POLR3E: variants seen among roughly 807,000 people sequenced by gnomAD.
The protein encoded by POLR3E is DNA-directed RNA polymerase III subunit RPC5.
In POLR3E, 41 loss-of-function variants were observed where a neutral mutation model predicts 96.6. The ratio of observed to expected loss-of-function variants is 0.42; its 90% CI spans 0.33 to 0.55. POLR3E has a LOEUF of 0.55. POLR3E is among the 20% of genes least tolerant of loss of function. POLR3E has a pLI of 0.06. For missense variants in POLR3E, 849 were observed against 952.1 expected, an observed-to-expected ratio of 0.89 and a Z score of 1.43; for synonymous variants, 396 against 383.6, an observed-to-expected ratio of 1.03 and a Z score of -0.38.
At position 22,308,925 on chromosome 16, in the gene POLR3E, G is replaced by A. The variant is rs748308867; in HGVS notation, c.166G>A (p.Val56Ile). The change falls in exon 5 of 21, where the codon GTA (valine) becomes ATA (isoleucine). Residue 56 changes from valine (V) to isoleucine (I), a missense_variant and splice_region_variant. Physicochemically the swap from Val to Ile is conservative, Grantham distance 29. Coordinates refer to ENST00000299853, the MANE Select transcript of POLR3E (RefSeq NM_018119.4). ...SAKIKPKQQKVELEMAIDTLN... is the reference protein window; with the variant it reads ...SAKIKPKQQKIELEMAIDTLN... ...TGGTGGGGGTGCTTGGTGCCTCCAG[G>A]TAGAGCTTGAGATGGCCATCGACAC... 4.3e-6 allele frequency: 7 copies of A among 1,610,354 alleles called. No individual in the cohort carries two copies. The Admixed American group carries it at 1.0e-4, about 23-fold the overall frequency.
At chr16:22,330,040 G>A (rs371600438) in intron 19 of POLR3E, among the ~76,000 whole-genome samples, 3 of 150,368 alleles carry the variant, frequency 2.0e-5, no homozygotes, top group Non-Finnish European at 4.4e-5. Context: ...AGACTGTAGA[G>A]ATAGATATGT....
rs765017505 is a variant in POLR3E at position 22,313,736 on chromosome 16, G to A, written c.472+9G>A. 15 of 1,581,634 alleles carry A rather than the reference G, an allele frequency of 9.5e-6. 1 individual carries two copies. Among genetic ancestry groups the A allele is most frequent in the South Asian group, 7.7e-5 (7 of 90,394 alleles). ...GGAGGCGGCCAACGAGGGTGAGCCC[G>A]GGATCCCCAGCCCTGCTGCCTGCCT... On this transcript the variant is annotated intron_variant, in intron 7 of 20. Coordinates refer to ENST00000299853, the MANE Select transcript of POLR3E (RefSeq NM_018119.4). The surrounding 1 kb of genome is among the most constrained non-coding windows in gnomAD (Gnocchi z 4.1).
chr16:22,313,339 C>T lies in POLR3E; in HGVS notation c.365-281C>T, dbSNP rs995662647. Among the ~76,000 whole-genome samples, 9 of 152,148 alleles carry T rather than the reference C, an allele frequency of 5.9e-5. No individual in the cohort carries two copies. The highest frequency in any genetic ancestry group is 1.0e-4 in the Non-Finnish European group (7 of 68,002). Reference sequence around the variant, plus strand: ...CAAAGCGAGCAGCTGGGGAGAGGGGCGTGGAACCAGACTGGGAGGTGGGAC... The same window carrying T: ...CAAAGCGAGCAGCTGGGGAGAGGGGTGTGGAACCAGACTGGGAGGTGGGAC... On this transcript the variant is annotated intron_variant, in intron 6 of 20. Transcript: ENST00000299853. The surrounding 1 kb of genome is among the most constrained non-coding windows in gnomAD (Gnocchi z 4.1).
chr16:22,303,639 C>CCT (rs1182097985), intron 2 of POLR3E, among the ~76,000 whole-genome samples: 1 of 114,276 alleles, frequency 8.8e-6, no homozygotes, highest in Non-Finnish European at 1.6e-5. Context: ...GCAGATTTCC[C>CCT]TTTTTTTTTT....
intron 13 of POLR3E, among the ~76,000 whole-genome samples, chr16:22,320,170 G>A (rs1442285077): frequency 6.6e-6 from 1 of 152,004 alleles, no homozygotes; most frequent in Non-Finnish European, 1.5e-5. Context: ...TGCTAGATTG[G>A]TATATATATA....
intron 18 of POLR3E, chr16:22,328,109 AG>A: frequency 5.6e-6 from 1 of 177,702 alleles, no homozygotes; most frequent in Non-Finnish European, 1.2e-5. Context: ...GTTATGGGGA[AG>A]GGGGCGCCCC....
chr16:22,309,001 T>G lies in POLR3E; in HGVS notation c.242T>G (p.Val81Gly). 1.2e-6 allele frequency: 2 copies of G among 1,613,968 alleles called. No homozygotes were observed. Among genetic ancestry groups the G allele is most frequent in the Middle Eastern group, 1.6e-4 (1 of 6,062 alleles). Reference protein sequence around the residue: ...RSKGEQIALNVDGACADETST... With the variant: ...RSKGEQIALNGDGACADETST... The stretch of plus-strand genomic sequence containing the variant: ...AAAGGGGAGCAGATTGCGCTGAACG[T>G]GGACGGGGCCTGCGCCGACGAGACC... Residue 81 changes from valine (V) to glycine (G), a missense_variant, in exon 5 of 21, where the codon GTG (valine) becomes GGG (glycine). Transcript: ENST00000299853.
At chr16:22,323,070 C>G in intron 14 of POLR3E, 139 bp downstream of exon 14, 1 of 609,800 alleles carries the variant, frequency 1.6e-6, no homozygotes, top group South Asian at 1.9e-5. Flanking sequence ...CTCTGCCTTT[C>G]TCCTCCTTCC....
intron 1 of POLR3E, among the ~76,000 whole-genome samples, chr16:22,301,138 G>C (rs142979367): frequency 7.1e-6 from 1 of 141,388 alleles, no homozygotes; most frequent in Non-Finnish European, 1.5e-5. Flanking sequence ...AGAGGTGAAG[G>C]GGGGACCATG....
intron 1 of POLR3E, among the ~76,000 whole-genome samples, chr16:22,298,590 T>G (rs983448094): frequency 6.6e-6 from 1 of 151,938 alleles, no homozygotes; most frequent in Non-Finnish European, 1.5e-5. Context: ...TGTTCTCGGG[T>G]CCAAGCTCTT....
chr16:22,306,506 G>T (rs754861484), intron 3 of POLR3E, among the ~76,000 whole-genome samples: 1 of 152,200 alleles, frequency 6.6e-6, no homozygotes, highest in Non-Finnish European at 1.5e-5. Context: ...GCCTGCCTCG[G>T]CCTCCCATAG....
Position 22,313,670 on chromosome 16 carries a change from T to G in POLR3E, c.415T>G (p.Phe139Val). Residue 139 changes from phenylalanine to valine, a missense_variant, in exon 7 of 21, where the codon TTC (phenylalanine) becomes GTC (valine). By Grantham distance (50) the Phe-to-Val change is conservative. Coordinates refer to ENST00000299853, the MANE Select transcript of POLR3E (RefSeq NM_018119.4). The surrounding 1 kb of genome is among the most constrained non-coding windows in gnomAD (Gnocchi z 4.1). ...LHGILQLRPSFSYLDKADAKH... is the reference protein window; with the variant it reads ...LHGILQLRPSVSYLDKADAKH... ...TGGCATCCTGCAGCTGCGGCCCAGC[T>G]TCTCCTACCTGGATAAGGCTGACGC... The G allele has an allele frequency of 6.2e-7, 1 of 1,613,988 alleles. No homozygotes were observed. The highest frequency in any genetic ancestry group is 8.5e-7 in the Non-Finnish European group (1 of 1,179,948).
chr16:22,302,707 T>C (rs2048051439), intron 1 of POLR3E: 1 of 537,230 alleles, frequency 1.9e-6, no homozygotes, highest in African/African-American at 1.9e-5. Flanking sequence ...TGGCTTGGTC[T>C]ACCCGCTTGC....
chr16:22,317,337 A>G, intron 12 of POLR3E, 131 bp downstream of exon 12: 1 of 673,700 alleles, frequency 1.5e-6, no homozygotes. Flanking sequence ...CCAGCTTTGC[A>G]GCTGCATCCT....
intron 6 of POLR3E, among the ~76,000 whole-genome samples, chr16:22,311,059 G>C (rs144141729): frequency 1.7e-4 from 26 of 152,130 alleles, no homozygotes; most frequent in Non-Finnish European, 3.1e-4. Context: ...TCTGCCTTCC[G>C]GTTTCAAGCA....
chr16:22,302,461 C>T (rs779254867), intron 1 of POLR3E: 15 of 161,130 alleles, frequency 9.3e-5, no homozygotes, highest in Non-Finnish European at 1.8e-4. Context: ...ACTCAGGATT[C>T]GAGTTAAAGT....
chr16:22,298,569 C>T (rs1014542679), intron 1 of POLR3E, among the ~76,000 whole-genome samples: 10 of 152,136 alleles, frequency 6.6e-5, no homozygotes, highest in East Asian at 3.8e-4. Flanking sequence ...GGATTTGAAC[C>T]TGCACAGTTT....
chr16:22,316,932 G>A, intron 10 of POLR3E, 63 bp from the exon 11 acceptor site: 2 of 1,555,388 alleles, frequency 1.3e-6, no homozygotes, highest in Non-Finnish European at 1.8e-6. Context: ...TCACTTGGGT[G>A]GCTGGTGAGG....
At chr16:22,306,056 C>A (rs886835068) in intron 3 of POLR3E, among the ~76,000 whole-genome samples, 1 of 152,136 alleles carries the variant, frequency 6.6e-6, no homozygotes, top group African/African-American at 2.4e-5. Flanking sequence ...AGCGATCAGT[C>A]TGTGCCCCCC....
Sources: gnomAD v4.1 joint callset for allele counts (sites outside exome capture counted in the v4.1 genomes callset) on GRCh38, gnomAD v4.1.1 for gene constraint, Gnocchi (gnomAD v3.1) non-coding constraint, MANE v1.5 for transcripts, NCBI Gene and HGNC (gene_info 2026-07-23, HGNC 2026-07-21) for gene names.